Variants in SPAG16 observed in about 807,000 individuals in gnomAD.
The protein encoded by SPAG16 is sperm associated antigen 16, also known as sperm-associated antigen 16 protein.
In SPAG16, 86 loss-of-function variants were observed where a neutral mutation model predicts 80.4. The observed-to-expected ratio is 1.07, with a 90% CI of 0.90 to 1.28. The LOEUF (loss-of-function observed/expected upper bound fraction) is 1.28, where lower values mean the gene tolerates loss of function less well. SPAG16 is among the 50% of genes most tolerant of loss of function. The pLI, the probability that SPAG16 is intolerant of heterozygous loss-of-function variation, is 0.00. For synonymous variants in SPAG16, 294 were observed against 265.9 expected (o/e 1.11, Z -1.03); for missense variants, 870 against 765.3 (o/e 1.14, Z -1.61).
chr2:213,576,723 A>C (rs2060139993), intron 10 of SPAG16, among the ~76,000 whole-genome samples: 1 of 152,174 alleles, frequency 6.6e-6, no homozygotes, highest in Admixed American at 6.5e-5. Flanking sequence ...TAACACATGA[A>C]CAGAAAACCA....
intron 10 of SPAG16, among the ~76,000 whole-genome samples, chr2:213,616,047 C>T (rs1302673451): frequency 2.0e-5 from 3 of 152,092 alleles, no homozygotes; most frequent in Non-Finnish European, 4.4e-5. Flanking sequence ...TATCCCAGAA[C>T]TTAAAGTATG....
At chr2:214,186,577 T>G (rs548362148) in intron 15 of SPAG16, among the ~76,000 whole-genome samples, 10 of 152,112 alleles carry the variant, frequency 6.6e-5, no homozygotes, top group African/African-American at 1.9e-4. Flanking sequence ...TTCCCCCTCC[T>G]TCCACTGAAA....
chr2:213,728,144 C>A (rs575651299), intron 10 of SPAG16, among the ~76,000 whole-genome samples: 1 of 152,008 alleles, frequency 6.6e-6, no homozygotes, highest in Non-Finnish European at 1.5e-5. Context: ...CCACTGCACC[C>A]GGCCAAATGA....
In SPAG16 at chr2:213,892,660, G is replaced by A. The variant is rs143728226; in HGVS notation, c.1214+30032G>A. On this transcript the variant is annotated intron_variant, in intron 11 of 15. Coordinates refer to ENST00000331683, the MANE Select transcript of SPAG16 (RefSeq NM_024532.5). ...AATCGTAGAGCTGAGAAATACATAAGCTGAAGTAAAAAATTCATCGAAGAC... is the reference window on the plus strand; with the variant it reads ...AATCGTAGAGCTGAGAAATACATAAACTGAAGTAAAAAATTCATCGAAGAC... 2.6e-4 allele frequency among the ~76,000 whole-genome samples: 40 copies of A among 152,186 alleles called. No individual in the cohort carries two copies. In the East Asian group the frequency reaches 7.7e-3, roughly 29 times the overall value.
intron 11 of SPAG16, among the ~76,000 whole-genome samples, chr2:213,902,069 A>G (rs1306998296): frequency 6.6e-6 from 1 of 152,212 alleles, no homozygotes; most frequent in Non-Finnish European, 1.5e-5. Flanking sequence ...AGGCCCAGAG[A>G]TCTGGTAATT....
intron 15 of SPAG16, among the ~76,000 whole-genome samples, chr2:214,260,251 G>A (rs1912183): frequency 0.63 from 96,327 of 151,900 alleles, 30,901 homozygotes; most frequent in South Asian, 0.71. Flanking sequence ...CCAAAATTTC[G>A]GAAATCATCA....
chr2:213,381,276 GGAGGAAGACTT>G (rs1324631326), intron 9 of SPAG16, among the ~76,000 whole-genome samples: 1 of 152,162 alleles, frequency 6.6e-6, no homozygotes, highest in Non-Finnish European at 1.5e-5. Context: ...GGGAAGGCTT[GGAGGAAGACTT>G]ACAATCAGAT....
chr2:213,655,080 TAGAA>T (rs1465041762), intron 10 of SPAG16, among the ~76,000 whole-genome samples: 1 of 152,180 alleles, frequency 6.6e-6, no homozygotes, highest in African/African-American at 2.4e-5. Context: ...TCCAAACCCA[TAGAA>T]TGCATAACAC....
chr2:213,450,108 C>A (rs940203607), intron 9 of SPAG16, among the ~76,000 whole-genome samples: 1 of 152,118 alleles, frequency 6.6e-6, no homozygotes, highest in Non-Finnish European at 1.5e-5. Flanking sequence ...AGTTTGAGAC[C>A]AGCCTGGGCA....
chr2:213,904,600 CAAAAAA>C (rs34952255), intron 11 of SPAG16, among the ~76,000 whole-genome samples: 8 of 89,478 alleles, frequency 8.9e-5, no homozygotes, highest in Admixed American at 4.1e-4. Flanking sequence ...ATAAATTTTG[CAAAAAA>C]AAAAAAAAAA....
intron 10 of SPAG16, among the ~76,000 whole-genome samples, chr2:213,523,452 C>T (rs1280088709): frequency 6.6e-6 from 1 of 152,120 alleles, no homozygotes; most frequent in African/African-American, 2.4e-5. Flanking sequence ...GAGTGGGGTA[C>T]TGCTATAAAG....
intron 10 of SPAG16, among the ~76,000 whole-genome samples, chr2:213,713,848 A>G (rs1013377398): frequency 1.3e-5 from 2 of 152,236 alleles, no homozygotes; most frequent in Admixed American, 6.5e-5. Flanking sequence ...TTGAAATTTT[A>G]TCTATCACAG....
chr2:213,304,114 T>C (rs1390639644), intron 3 of SPAG16, among the ~76,000 whole-genome samples: 3 of 152,208 alleles, frequency 2.0e-5, no homozygotes, highest in Non-Finnish European at 2.9e-5. Context: ...GTAGTTTTGA[T>C]TGGCATTTTT....
At chr2:214,114,132 T>C (rs1378662239) in intron 14 of SPAG16, among the ~76,000 whole-genome samples, 2 of 152,330 alleles carry the variant, frequency 1.3e-5, no homozygotes, top group East Asian at 3.9e-4. Context: ...CCAGACCCTG[T>C]TTGCCTGTGT....
chr2:213,713,073 C>T (rs1272437491), intron 10 of SPAG16, among the ~76,000 whole-genome samples: 34 of 152,112 alleles, frequency 2.2e-4, no homozygotes, highest in Non-Finnish European at 3.2e-4. Flanking sequence ...GGGAAAGCCC[C>T]TCATAAAACC....
At chr2:213,856,782 C>T (rs1279136585) in intron 10 of SPAG16, among the ~76,000 whole-genome samples, 1 of 152,160 alleles carries the variant, frequency 6.6e-6, no homozygotes, top group Non-Finnish European at 1.5e-5. Context: ...AGTACCTGGG[C>T]CTGGCTCATG....
intron 15 of SPAG16, among the ~76,000 whole-genome samples, chr2:214,203,032 A>G (rs1251175553): frequency 1.3e-5 from 2 of 152,196 alleles, no homozygotes; most frequent in Non-Finnish European, 2.9e-5. Flanking sequence ...ATACCAAAAC[A>G]GGTTTTAAAT....
intron 10 of SPAG16, among the ~76,000 whole-genome samples, chr2:213,677,185 G>A (rs1483437132): frequency 1.3e-5 from 2 of 151,940 alleles, no homozygotes; most frequent in African/African-American, 2.4e-5. Flanking sequence ...AGAGACCATC[G>A]AGACTAGGAA....
intron 15 of SPAG16, among the ~76,000 whole-genome samples, chr2:214,319,123 G>A (rs558302634): frequency 3.3e-5 from 5 of 151,354 alleles, no homozygotes; most frequent in African/African-American, 1.2e-4. Context: ...TCAAAGAAGT[G>A]GAGAAAAGGA....
Sources: allele counts gnomAD v4.1 joint callset (sites outside exome capture counted in the v4.1 genomes callset), GRCh38; gene constraint gnomAD v4.1.1; transcripts MANE v1.5; gene names NCBI Gene and HGNC (gene_info 2026-07-23, HGNC 2026-07-21).